Variants in SNX9 observed in about 807,000 individuals in gnomAD.
SNX9 encodes the protein sorting nexin 9.
Under a neutral mutation model 89.4 loss-of-function variants are expected in SNX9, and 44 were observed. The ratio of observed to expected loss-of-function variants is 0.49; its 90% CI spans 0.39 to 0.63. SNX9 has a LOEUF of 0.63. Ranked by LOEUF, SNX9 falls within the 30% of genes least tolerant of loss-of-function variation. The pLI, the probability that SNX9 is intolerant of heterozygous loss-of-function variation, is 0.00. For missense variants in SNX9, 578 were observed against 736.1 expected (o/e 0.79, Z 2.49); for synonymous variants, 236 against 247.8 (o/e 0.95, Z 0.45).
chr6:157,894,106 C>CTTTTCTTTTTTTTTT (rs1484938597), intron 4 of SNX9, among the ~76,000 whole-genome samples: 7 of 89,562 alleles, frequency 7.8e-5, no homozygotes, highest in African/African-American at 3.2e-4. Context: ...CTTTTCTTTT[C>CTTTTCTTTTTTTTTT]TTTTTTTTTT....
At chr6:157,912,900 A>G (rs536157065) in intron 9 of SNX9, among the ~76,000 whole-genome samples, 69 of 152,340 alleles carry the variant, frequency 4.5e-4, no homozygotes, top group African/African-American at 1.6e-3. Context: ...ATTATTTGCA[A>G]CTTGGTCTGA....
chr6:157,923,304 AAAT>A (rs1309332338), intron 10 of SNX9, among the ~76,000 whole-genome samples: 8 of 152,332 alleles, frequency 5.3e-5, no homozygotes, highest in Admixed American at 2.6e-4. Context: ...CAGCTCGTGT[AAAT>A]AAATGGTAGA....
At chr6:157,915,636 A>ATATATATATATAT (rs1342359338) in intron 9 of SNX9, among the ~76,000 whole-genome samples, 2 of 76,596 alleles carry the variant, frequency 2.6e-5, no homozygotes, top group African/African-American at 1.1e-4. Flanking sequence ...AAAAAAAAAA[A>ATATATATATATAT]AAAAATATAT....
intron 9 of SNX9, among the ~76,000 whole-genome samples, chr6:157,920,497 T>G (rs1783561714): frequency 1.3e-5 from 2 of 151,986 alleles, no homozygotes. Context: ...ACACGTGGGG[T>G]GGGTGGCACA....
chr6:157,887,567 A>G (rs909926443), intron 4 of SNX9, among the ~76,000 whole-genome samples: 7 of 152,074 alleles, frequency 4.6e-5, no homozygotes, highest in African/African-American at 1.7e-4. Context: ...CTCTCCACGC[A>G]GTGAATGGGC....
chr6:157,911,178 G>A (rs1783335704), intron 9 of SNX9, among the ~76,000 whole-genome samples: 1 of 152,166 alleles, frequency 6.6e-6, no homozygotes, highest in African/African-American at 2.4e-5. Flanking sequence ...GTTAGACAGA[G>A]TTTTAGTATA....
chr6:157,842,746 AG>A (rs1781727684), intron 1 of SNX9, among the ~76,000 whole-genome samples: 1 of 152,188 alleles, frequency 6.6e-6, no homozygotes, highest in African/African-American at 2.4e-5. Context: ...CATCAAGTGC[AG>A]GGTCTGCAAA....
At chr6:157,886,569 T>A (rs1301702993) in intron 4 of SNX9, among the ~76,000 whole-genome samples, 1 of 152,230 alleles carries the variant, frequency 6.6e-6, no homozygotes, top group African/African-American at 2.4e-5. Context: ...TGGTAATGGT[T>A]TACCACCAGT....
At position 157,943,113 on chromosome 6, in the gene SNX9, T is replaced by C. The variant is rs1784076446; in HGVS notation, c.*275T>C. On this transcript the variant is annotated 3_prime_UTR_variant, in exon 18 of 18. Coordinates refer to ENST00000392185, the MANE Select transcript of SNX9 (RefSeq NM_016224.5). ...AGTTACCAGAATTTTCAATGGAAAA[T>C]GAGGGGTTTCTCCCCACTGATATTT... 1 of 313,656 alleles carries C rather than the reference T, an allele frequency of 3.2e-6. No individual in the cohort carries two copies. The highest frequency in any genetic ancestry group is 2.2e-5 in the African/African-American group (1 of 46,488). The allele number at this position is 313,656 out of a possible 1,614,324, so 19.4% of individuals were successfully genotyped here.
At chr6:157,906,733 T>G (rs1783225339) in intron 7 of SNX9, among the ~76,000 whole-genome samples, 1 of 152,232 alleles carries the variant, frequency 6.6e-6, no homozygotes, top group Non-Finnish European at 1.5e-5. Context: ...TTAGAATTAC[T>G]TGGTTATTGC....
Position 157,823,418 on chromosome 6 carries a change from C to G in SNX9, c.-17C>G, listed in dbSNP as rs1781275610. 3.2e-6 allele frequency: 4 copies of G among 1,248,552 alleles called. No individual in the cohort carries two copies. The highest frequency in any genetic ancestry group is 4.0e-6 in the Non-Finnish European group (4 of 994,666). The allele number at this position is 1,248,552 out of a possible 1,614,324, so 77.3% of individuals were successfully genotyped here. A position where few individuals can be genotyped will look rare whatever the true frequency, so the allele number is the denominator to read the frequency against. ...GGGAGACGAGCCGGCCGTCCCGGGC[C>G]GGGGGACCCGCCCGCCATGGCCACC... On this transcript the variant is annotated 5_prime_UTR_variant, in exon 1 of 18. Transcript: ENST00000392185. This position sits in a 1 kb window ranked among gnomAD's most constrained non-coding sequence, Gnocchi z 4.6.
chr6:157,862,185 T>A (rs1032388283), intron 1 of SNX9, among the ~76,000 whole-genome samples: 6 of 152,234 alleles, frequency 3.9e-5, no homozygotes, highest in African/African-American at 1.2e-4. Flanking sequence ...ACTACTTATA[T>A]TGAAAAGCAT....
At position 157,944,805 on chromosome 6, in the gene SNX9, A is replaced by G. The variant is rs1784109058; in HGVS notation, c.*1967A>G. The G allele has an allele frequency of 6.6e-6, 1 of 152,246 alleles. No homozygotes were observed. Among genetic ancestry groups the G allele is most frequent in the East Asian group, 1.9e-4 (1 of 5,204 alleles). 9.4% of individuals were successfully genotyped at this position (152,246 alleles called of 1,614,324 possible). A position where few individuals can be genotyped will look rare whatever the true frequency, so the allele number is the denominator to read the frequency against. ...GCAAAGTGAAAAAGGGATGGGGGAA[A>G]TGGAGATGGCACGGGCTCCTCAGAG... On this transcript the variant is annotated 3_prime_UTR_variant, in exon 18 of 18. Transcript: ENST00000392185.
chr6:157,878,430 C>CTTTTTTTTTTTTT (rs374518124), intron 4 of SNX9, among the ~76,000 whole-genome samples: 2 of 146,880 alleles, frequency 1.4e-5, no homozygotes, highest in African/African-American at 2.5e-5. Context: ...GGAAGCCCAC[C>CTTTTTTTTTTTTT]ATTTTTTTTT....
chr6:157,851,052 T>C (rs758732847), intron 1 of SNX9, among the ~76,000 whole-genome samples: 51 of 152,152 alleles, frequency 3.4e-4, no homozygotes, highest in Non-Finnish European at 5.7e-4. Flanking sequence ...GGCCAGGAGT[T>C]CAAGACCAAC....
chr6:157,891,934 A>G (rs1463909113), intron 4 of SNX9, among the ~76,000 whole-genome samples: 3 of 152,220 alleles, frequency 2.0e-5, no homozygotes, highest in Admixed American at 6.5e-5. Flanking sequence ...AGCACGAGGC[A>G]AAGTTGAGAC....
chr6:157,888,044 A>G (rs1234669426), intron 4 of SNX9, among the ~76,000 whole-genome samples: 1 of 145,400 alleles, frequency 6.9e-6, no homozygotes, highest in Non-Finnish European at 1.5e-5. Flanking sequence ...CCCTAAGAGC[A>G]CACACCGGGA....
chr6:157,838,167 C>T (rs189309833), intron 1 of SNX9, among the ~76,000 whole-genome samples: 1 of 151,962 alleles, frequency 6.6e-6, no homozygotes, highest in East Asian at 1.9e-4. Context: ...CATGCATCAC[C>T]ATGCCTGGCT....
Position 157,906,356 on chromosome 6 carries a change from T to C in SNX9, c.705+144T>C. 8.1e-6 allele frequency: 5 copies of C among 613,608 alleles called. No homozygotes were observed. The South Asian group carries it at 1.0e-4, about 12-fold the overall frequency. 38.0% of individuals were successfully genotyped at this position (613,608 alleles called of 1,614,324 possible). Reference sequence around the variant, plus strand: ...ACATAACTGATAATATATGTTAGTGTTGTAGGAGTACTGAAGATAATTAAC... The same window carrying C: ...ACATAACTGATAATATATGTTAGTGCTGTAGGAGTACTGAAGATAATTAAC... On this transcript the variant is annotated intron_variant, in intron 7 of 17. Coordinates refer to ENST00000392185, the MANE Select transcript of SNX9 (RefSeq NM_016224.5).
Sources: allele counts gnomAD v4.1 joint callset (sites outside exome capture counted in the v4.1 genomes callset), GRCh38; gene constraint gnomAD v4.1.1; non-coding constraint Gnocchi (gnomAD v3.1); transcripts MANE v1.5; gene names NCBI Gene and HGNC (gene_info 2026-07-23, HGNC 2026-07-21).